Variants in CPNE1 observed in about 807,000 individuals in gnomAD.
CPNE1 encodes the protein copine 1, also known as copine-1.
In CPNE1, 58 loss-of-function variants were observed where a neutral mutation model predicts 63.2. That is an observed-to-expected ratio of 0.92 (90% CI 0.74 to 1.14). The LOEUF is 1.14. Among genes scored for constraint, CPNE1 ranks in the 50% most tolerant of loss-of-function variants. The pLI is 0.00. For missense variants in CPNE1, 672 were observed against 661.7 expected, an observed-to-expected ratio of 1.02 and a Z score of -0.17; for synonymous variants, 237 against 249.0, an observed-to-expected ratio of 0.95 and a Z score of 0.45.
chr20:35,659,258 T>C (rs2034098609), intron 1 of CPNE1, among the ~76,000 whole-genome samples: 1 of 152,186 alleles, frequency 6.6e-6, no homozygotes, highest in African/African-American at 2.4e-5. Flanking sequence ...GTCATTAACT[T>C]AGCCCAATAA....
chr20:35,643,287 G>A (rs543550047), intron 1 of CPNE1: 4 of 154,582 alleles, frequency 2.6e-5, no homozygotes, highest in Admixed American at 6.5e-5. Context: ...GATTGAAGAC[G>A]ACCATCCCTG....
chr20:35,638,168 A>G (rs2032595441), intron 1 of CPNE1, among the ~76,000 whole-genome samples: 1 of 152,210 alleles, frequency 6.6e-6, no homozygotes, highest in African/African-American at 2.4e-5. Flanking sequence ...TATAGCTGGT[A>G]CTAATAACCA....
chr20:35,628,842 A>G (rs1183705874), intron 13 of CPNE1, among the ~76,000 whole-genome samples: 2 of 152,212 alleles, frequency 1.3e-5, no homozygotes, highest in Non-Finnish European at 2.9e-5. Context: ...TTGGTCTGTG[A>G]TAATGTAAGA....
intron 13 of CPNE1, among the ~76,000 whole-genome samples, chr20:35,629,355 G>A (rs376010657): frequency 6.6e-6 from 1 of 152,290 alleles, no homozygotes. Context: ...GTGCCCCCTT[G>A]GGGGTACTGG....
intron 1 of CPNE1, among the ~76,000 whole-genome samples, chr20:35,664,208 T>C (rs1368210920): frequency 6.6e-6 from 1 of 152,186 alleles, no homozygotes; most frequent in Non-Finnish European, 1.5e-5. Flanking sequence ...AGGCGGCCGG[T>C]TGTGACACTT....
chr20:35,660,092 A>G (rs2034145778), intron 1 of CPNE1, among the ~76,000 whole-genome samples: 1 of 152,270 alleles, frequency 6.6e-6, no homozygotes, highest in Non-Finnish European at 1.5e-5. Context: ...TCAAGTTGCT[A>G]AAGAATAGTG....
intron 1 of CPNE1, chr20:35,653,132 T>C (rs1165497738): frequency 3.7e-6 from 6 of 1,613,604 alleles, no homozygotes; most frequent in East Asian, 2.2e-5. Context: ...CCAAAGGCAT[T>C]TGATCCACCA....
At chr20:35,645,926 C>A (rs1021563255) in intron 1 of CPNE1, among the ~76,000 whole-genome samples, 12 of 151,872 alleles carry the variant, frequency 7.9e-5, no homozygotes, top group African/African-American at 2.7e-4. Flanking sequence ...GCACTGGTAC[C>A]AGTTGGTGTG....
intron 1 of CPNE1, among the ~76,000 whole-genome samples, chr20:35,633,959 C>CAAAAA (rs34006508): frequency 2.5e-5 from 1 of 40,426 alleles, no homozygotes; most frequent in Non-Finnish European, 5.0e-5. Context: ...GATTCCGTCT[C>CAAAAA]AAAAAAAAAA....
chr20:35,641,518 TA>T lies in CPNE1; in HGVS notation c.1-8596del, dbSNP rs201274233. ...AACTTGGGCAAATACTTAATCTCAC[TA>T]AACTTCAGGTTCCTCAGGTGTAAAC... is the stretch of plus-strand genomic sequence containing the variant. On this transcript the variant is annotated intron_variant, in intron 1 of 15. Transcript: ENST00000397443. Among the ~76,000 whole-genome samples the T allele has an allele frequency of 7.0e-3, 1,063 of 152,356 alleles. 3 individuals carry two copies. The highest frequency in any genetic ancestry group is 0.011 in the Non-Finnish European group (720 of 68,036).
intron 1 of CPNE1, among the ~76,000 whole-genome samples, chr20:35,645,667 A>T (rs950099425): frequency 6.6e-6 from 1 of 152,242 alleles, no homozygotes; most frequent in Non-Finnish European, 1.5e-5. Flanking sequence ...CAATCTGTCA[A>T]TTCAATGGTC....
At chr20:35,639,181 G>C (rs2032660717) in intron 1 of CPNE1, among the ~76,000 whole-genome samples, 1 of 151,908 alleles carries the variant, frequency 6.6e-6, no homozygotes, top group African/African-American at 2.4e-5. Context: ...ACCGATGACT[G>C]AAACTTTTTT....
chr20:35,645,070 CTGA>C (rs1974943159), intron 1 of CPNE1, among the ~76,000 whole-genome samples: 1 of 152,136 alleles, frequency 6.6e-6, no homozygotes, highest in Admixed American at 6.5e-5. Flanking sequence ...TACCGCCTTC[CTGA>C]TGATCTCCAG....
intron 1 of CPNE1, among the ~76,000 whole-genome samples, chr20:35,636,433 C>A (rs1402614762): frequency 6.6e-6 from 1 of 152,170 alleles, no homozygotes; most frequent in African/African-American, 2.4e-5. Flanking sequence ...AAATATGATA[C>A]ATCTGAACAA....
chr20:35,626,821 C>T lies in CPNE1; in HGVS notation c.1237-18G>A. 1 of 1,600,020 alleles carries T rather than the reference C, an allele frequency of 6.2e-7. No individual in the cohort carries two copies. On this transcript the variant is annotated intron_variant, in intron 14 of 15. Coordinates refer to ENST00000397443, the MANE Select transcript of CPNE1 (RefSeq NM_152925.3). ...AAGTATTGCTGGGGACAAGCCCATT[C>T]ATGTCCTGAAGCAGATCCTCCTCCT... is the stretch of plus-strand genomic sequence containing the variant.
intron 1 of CPNE1, among the ~76,000 whole-genome samples, chr20:35,660,363 T>G (rs1013017071): frequency 1.3e-5 from 2 of 152,132 alleles, no homozygotes; most frequent in African/African-American, 4.8e-5. Flanking sequence ...ACTACAGGCT[T>G]GCGCCACCAC....
intron 1 of CPNE1, among the ~76,000 whole-genome samples, chr20:35,647,032 C>T (rs2033145693): frequency 6.6e-6 from 1 of 151,844 alleles, no homozygotes; most frequent in African/African-American, 2.4e-5. Context: ...AAAATAGGGC[C>T]GGGCATGGTG....
intron 1 of CPNE1, chr20:35,653,598 A>T: frequency 6.2e-7 from 1 of 1,614,232 alleles, no homozygotes. Context: ...CAACAAGAAC[A>T]TGTACAGCAT....
At chr20:35,647,340 C>T (rs560886026) in intron 1 of CPNE1, 3 of 143,182 alleles carry the variant, frequency 2.1e-5, no homozygotes, top group Non-Finnish European at 4.6e-5. Flanking sequence ...AAAAAAAGAG[C>T]GCTTCACAAA....
Sources: gnomAD v4.1 joint callset for allele counts (sites outside exome capture counted in the v4.1 genomes callset) on GRCh38, gnomAD v4.1.1 for gene constraint, MANE v1.5 for transcripts, NCBI Gene and HGNC (gene_info 2026-07-23, HGNC 2026-07-21) for gene names.